Variants in CLTCL1 observed in about 807,000 individuals in gnomAD.
CLTCL1 encodes the protein clathrin heavy chain 2.
CLTCL1 carries 159 observed loss-of-function variants against 190.0 expected under a neutral mutation model. The observed-to-expected ratio is 0.84, with a 90% CI of 0.74 to 0.95. CLTCL1 has a LOEUF of 0.95. Among genes scored for constraint, CLTCL1 ranks in the 40% least tolerant of loss-of-function variants. The pLI is 0.00. For missense variants in CLTCL1, 1,878 were observed against 2,033.4 expected, an observed-to-expected ratio of 0.92 and a Z score of 1.47; for synonymous variants, 752 against 769.6, an observed-to-expected ratio of 0.98 and a Z score of 0.38.
intron 18 of CLTCL1, among the ~76,000 whole-genome samples, chr22:19,218,218 G>A (rs1002686362): frequency 2.0e-5 from 3 of 152,160 alleles, no homozygotes; most frequent in Non-Finnish European, 4.4e-5. Context: ...GTGTTAAAGT[G>A]GCCCTTCCCC....
In CLTCL1 at chr22:19,198,123, G is replaced by A. The variant is rs975972511; in HGVS notation, c.3874-1467C>T. ...ACCTTCAGTCTTCCCCTCATCCACT[G>A]GTGATAACTCCGTTATTTCTACTTA... On this transcript the variant is annotated intron_variant, in intron 24 of 32. Transcript: ENST00000427926. The surrounding 1 kb of genome is among the most constrained non-coding windows in gnomAD (Gnocchi z 4.1). Among the ~76,000 whole-genome samples the A allele has an allele frequency of 2.6e-5, 4 of 152,096 alleles. No individual in the cohort carries two copies. Among genetic ancestry groups the A allele is most frequent in the South Asian group, 2.1e-4 (1 of 4,820 alleles).
chr22:19,263,522 C>T (rs2087021408), intron 2 of CLTCL1, among the ~76,000 whole-genome samples: 3 of 152,144 alleles, frequency 2.0e-5, no homozygotes, highest in Admixed American at 2.0e-4. Context: ...TCACACCATT[C>T]TCCGCCTCAG....
At chr22:19,258,474 T>C (rs2086837626) in intron 2 of CLTCL1, 1 of 453,354 alleles carries the variant, frequency 2.2e-6, no homozygotes, top group Admixed American at 2.8e-5. Flanking sequence ...GAAGATCAGC[T>C]TGGAGAACAG....
rs782159239 is a variant in CLTCL1, at chr22:19,234,522, G to A, written c.1154C>T (p.Ala385Val). 1.4e-5 allele frequency: 22 copies of A among 1,613,032 alleles called. No homozygotes were observed. The highest frequency in any genetic ancestry group is 3.3e-5 in the Admixed American group (2 of 59,902). Residue 385 changes from alanine to valine, a missense_variant, in exon 7 of 33, where the codon GCG (alanine) becomes GTG (valine). By Grantham distance (64) the Ala-to-Val change is moderately conservative. Coordinates refer to ENST00000427926, the MANE Select transcript of CLTCL1 (RefSeq NM_007098.4). ...AAGGTTTATCACCTTTGGTGCAGACGCTGCAACTTTGGCGGCTTCAGCATA... is the reference window on the plus strand; with the variant it reads ...AAGGTTTATCACCTTTGGTGCAGACACTGCAACTTTGGCGGCTTCAGCATA... ...GSYAEAAKVA[A>V]SAPKGILRTR...
In CLTCL1 at chr22:19,222,774, G is replaced by A. The variant is rs782066280; in HGVS notation, c.2328C>T (p.Ile776=). 5.0e-6 allele frequency: 8 copies of A among 1,600,332 alleles called. No individual in the cohort carries two copies. Among genetic ancestry groups the A allele is most frequent in the South Asian group, 3.4e-5 (3 of 88,288 alleles). ...AKLTDQLPLI[I]VCDRFGFVHD... Reference sequence around the variant, plus strand: ...GGACAAAGCCAAAACGATCACACACGATGATGAGGGGAAGCTGGTCTGTGA... The same window carrying A: ...GGACAAAGCCAAAACGATCACACACAATGATGAGGGGAAGCTGGTCTGTGA... The change falls in exon 15 of 33, where the codon ATC becomes ATT. Residue 776 remains isoleucine, a synonymous_variant. Coordinates refer to ENST00000427926, the MANE Select transcript of CLTCL1 (RefSeq NM_007098.4).
Position 19,208,196 on chromosome 22 carries a change from T to C in CLTCL1, c.3558A>G (p.Leu1186=), listed in dbSNP as rs2085110647. Residue 1186 remains leucine (L), a synonymous_variant, in exon 22 of 33, where the codon CTA becomes CTG. Transcript: ENST00000427926. ...TGTTGGGTCCATTAATAAAATCTTC[T>C]AGCTCAGAAACACGGCTGGTTTTAG... is the stretch of plus-strand genomic sequence containing the variant. ...ALAKTSRVSE[L]EDFINGPNNA... 1 of 1,613,864 alleles carries C rather than the reference T, an allele frequency of 6.2e-7. No homozygotes were observed. The highest frequency in any genetic ancestry group is 1.3e-5 in the African/African-American group (1 of 75,032).
chr22:19,287,417 G>A (rs2087944908), intron 1 of CLTCL1, among the ~76,000 whole-genome samples: 1 of 152,168 alleles, frequency 6.6e-6, no homozygotes, highest in African/African-American at 2.4e-5. Flanking sequence ...AGGAGAATGT[G>A]TTTTGGCAAG....
intron 24 of CLTCL1, among the ~76,000 whole-genome samples, chr22:19,197,411 G>C (rs1423324580): frequency 1.3e-5 from 2 of 152,092 alleles, no homozygotes; most frequent in East Asian, 3.8e-4. Context: ...TCTGGAACCT[G>C]CCCAGCCTGC....
chr22:19,206,702 G>A (rs1244759976), intron 22 of CLTCL1, among the ~76,000 whole-genome samples: 13 of 152,138 alleles, frequency 8.5e-5, no homozygotes, highest in Non-Finnish European at 1.5e-4. Context: ...CTCCCAAAGT[G>A]CTGGGATTAC....
intron 1 of CLTCL1, among the ~76,000 whole-genome samples, chr22:19,282,138 G>C (rs1368947646): frequency 6.6e-6 from 1 of 152,030 alleles, no homozygotes; most frequent in African/African-American, 2.4e-5. Flanking sequence ...AGACCATCCT[G>C]GCCAATATGG....
intron 18 of CLTCL1, among the ~76,000 whole-genome samples, chr22:19,217,889 G>A (rs957503520): frequency 1.3e-5 from 2 of 151,446 alleles, no homozygotes; most frequent in East Asian, 1.9e-4. Flanking sequence ...AAACCTTGGA[G>A]CAACTTAAAT....
chr22:19,208,960 G>A lies in CLTCL1; in HGVS notation c.3404C>T (p.Ser1135Phe). 1 of 1,611,468 alleles carries A rather than the reference G, an allele frequency of 6.2e-7. No homozygotes were observed. Among genetic ancestry groups the A allele is most frequent in the Non-Finnish European group, 8.5e-7 (1 of 1,178,962 alleles). ...INSYIRGDDP[S>F]SYLEVVQSAS... ...TGACTGAACAACTTCCAGGTAAGAG[G>A]AAGGGTCGTCCCCTCTGATATAGGA... Residue 1135 changes from serine to phenylalanine, a missense_variant, in exon 21 of 33, where the codon TCC (serine) becomes TTC (phenylalanine). Transcript: ENST00000427926.
chr22:19,209,862 C>G (rs1310057982), intron 20 of CLTCL1, among the ~76,000 whole-genome samples: 1 of 151,966 alleles, frequency 6.6e-6, no homozygotes, highest in Non-Finnish European at 1.5e-5. Context: ...GAGGGGCAGG[C>G]AGGGAGGGCT....
intron 17 of CLTCL1, 101 bp downstream of exon 17, chr22:19,221,276 A>G (rs1569187840): frequency 1.1e-5 from 9 of 828,304 alleles, no homozygotes; most frequent in Admixed American, 2.9e-5. Context: ...TGCCATCTCC[A>G]GGTGCACAGA....
At position 19,233,496 on chromosome 22, in the gene CLTCL1, A is replaced by G. The variant is rs541936318; in HGVS notation, c.1294T>C (p.Ser432Pro). The stretch of plus-strand genomic sequence containing the variant: ...AGAACCAGATGGCAAAGTTCTAAGG[A>G]TTCAAGTTTATTGAGCTGACCCTGG... ...LDQGQLNKLESLELCHLVLQQ... is the reference protein window; with the variant it reads ...LDQGQLNKLEPLELCHLVLQQ... Residue 432 changes from serine (S) to proline (P), a missense_variant, in exon 8 of 33, where the codon TCC (serine) becomes CCC (proline). Coordinates refer to ENST00000427926, the MANE Select transcript of CLTCL1 (RefSeq NM_007098.4). The G allele has an allele frequency of 6.2e-7, 1 of 1,613,956 alleles. No homozygotes were observed. The highest frequency in any genetic ancestry group is 8.5e-7 in the Non-Finnish European group (1 of 1,179,870).
At chr22:19,208,460 T>C in intron 21 of CLTCL1, 149 bp from the exon 22 acceptor site, 1 of 918,880 alleles carries the variant, frequency 1.1e-6, no homozygotes, top group Non-Finnish European at 1.6e-6. Flanking sequence ...CTAGGAGGTC[T>C]TGATTATGCT....
chr22:19,189,258 C>T (rs1353667605), intron 27 of CLTCL1, among the ~76,000 whole-genome samples: 1 of 152,230 alleles, frequency 6.6e-6, no homozygotes, highest in South Asian at 2.1e-4. Context: ...TGACTCTTCC[C>T]TTTATGTAAG....
At chr22:19,255,781 A>G (rs1460543971) in intron 2 of CLTCL1, among the ~76,000 whole-genome samples, 2 of 142,346 alleles carry the variant, frequency 1.4e-5, no homozygotes, top group African/African-American at 2.6e-5. Flanking sequence ...ATGGTGGCAC[A>G]CTCCTGTAAT....
intron 2 of CLTCL1, among the ~76,000 whole-genome samples, chr22:19,273,175 CTCTT>C (rs1352917142): frequency 6.6e-6 from 1 of 152,222 alleles, no homozygotes; most frequent in Non-Finnish European, 1.5e-5. Flanking sequence ...ATACAAACAA[CTCTT>C]TCTTCAAAGA....
Sources: gnomAD v4.1 joint callset for allele counts (sites outside exome capture counted in the v4.1 genomes callset) on GRCh38, gnomAD v4.1.1 for gene constraint, Gnocchi (gnomAD v3.1) non-coding constraint, MANE v1.5 for transcripts, NCBI Gene and HGNC (gene_info 2026-07-23, HGNC 2026-07-21) for gene names.